TMTC2: variants seen among roughly 807,000 people sequenced by gnomAD.
TMTC2 encodes the protein transmembrane O-mannosyltransferase targeting cadherins 2, also known as protein O-mannosyl-transferase TMTC2.
Under a neutral mutation model 82.4 loss-of-function variants are expected in TMTC2, and 43 were observed. That is an observed-to-expected ratio of 0.52 (90% confidence interval 0.41 to 0.67). The LOEUF is 0.67. TMTC2 is among the 30% of genes least tolerant of loss of function. The probability of loss-of-function intolerance (pLI) is 0.00; values close to 1 mark genes in which losing one functional copy is unlikely to be tolerated. For synonymous variants in TMTC2, 408 were observed against 381.9 expected (o/e 1.07, Z -0.80); for missense variants, 919 against 1,012.4 (o/e 0.91, Z 1.25).
intron 1 of TMTC2, among the ~76,000 whole-genome samples, chr12:82,814,377 T>C (rs1868569284): frequency 6.6e-6 from 1 of 152,136 alleles, no homozygotes; most frequent in South Asian, 2.1e-4. Flanking sequence ...GGGAGAATAC[T>C]ATTCGTGTAG....
intron 9 of TMTC2, among the ~76,000 whole-genome samples, chr12:83,049,282 C>A (rs951767917): frequency 6.6e-6 from 1 of 152,084 alleles, no homozygotes; most frequent in Non-Finnish European, 1.5e-5. Flanking sequence ...AGTATAGTAC[C>A]CAAGGGGCAG....
chr12:83,120,002 AC>A (rs1884896572), intron 11 of TMTC2, among the ~76,000 whole-genome samples: 4 of 151,806 alleles, frequency 2.6e-5, no homozygotes, highest in Non-Finnish European at 4.4e-5. Flanking sequence ...GTCTTTTTCT[AC>A]CCTTTTACCT....
chr12:82,688,671 G>T (rs1872445305), intron 1 of TMTC2, among the ~76,000 whole-genome samples: 1 of 152,194 alleles, frequency 6.6e-6, no homozygotes, highest in Non-Finnish European at 1.5e-5. Context: ...CCGTCCTGGG[G>T]TGTTTCATGC....
At chr12:83,127,968 T>G (rs1885146130) in intron 11 of TMTC2, among the ~76,000 whole-genome samples, 1 of 152,132 alleles carries the variant, frequency 6.6e-6, no homozygotes, top group Non-Finnish European at 1.5e-5. Context: ...GTCAGTCCCT[T>G]TGATATAAAG....
chr12:82,735,556 A>T (rs113138030), intron 1 of TMTC2, among the ~76,000 whole-genome samples: 1 of 151,942 alleles, frequency 6.6e-6, no homozygotes, highest in South Asian at 2.1e-4. Flanking sequence ...TGTGTTAGCC[A>T]GGATGGTCTC....
At chr12:82,813,774 T>C (rs1318629895) in intron 1 of TMTC2, among the ~76,000 whole-genome samples, 3 of 152,128 alleles carry the variant, frequency 2.0e-5, no homozygotes, top group Non-Finnish European at 4.4e-5. Flanking sequence ...TATGTACTTA[T>C]TGATTTAATG....
chr12:83,044,981 T>C (rs1391601098), intron 9 of TMTC2, among the ~76,000 whole-genome samples: 1 of 152,236 alleles, frequency 6.6e-6, no homozygotes, highest in Non-Finnish European at 1.5e-5. Flanking sequence ...CAGACAGCTT[T>C]TTAAATCCAG....
At chr12:83,030,700 G>C in intron 8 of TMTC2, 98 bp from the exon 9 acceptor site, 1 of 919,384 alleles carries the variant, frequency 1.1e-6, no homozygotes, top group Non-Finnish European at 1.7e-6. Flanking sequence ...TTCCTATGAT[G>C]ATTACCAAGT....
intron 1 of TMTC2, among the ~76,000 whole-genome samples, chr12:82,746,407 A>G (rs1389429163): frequency 2.0e-5 from 3 of 152,148 alleles, no homozygotes; most frequent in Non-Finnish European, 2.9e-5. Flanking sequence ...GAAGTATTTC[A>G]TTTAATTGAA....
At chr12:82,746,094 T>C (rs1368116906) in intron 1 of TMTC2, among the ~76,000 whole-genome samples, 1 of 152,252 alleles carries the variant, frequency 6.6e-6, no homozygotes, top group Non-Finnish European at 1.5e-5. Flanking sequence ...TAAGAATTTT[T>C]ATATAGAGGC....
chr12:82,910,099 C>T (rs961269288), intron 3 of TMTC2, among the ~76,000 whole-genome samples: 10 of 152,140 alleles, frequency 6.6e-5, no homozygotes, highest in African/African-American at 9.7e-5. Context: ...AGCCTTATCA[C>T]GCACTGGTGC....
intron 2 of TMTC2, among the ~76,000 whole-genome samples, chr12:82,859,108 G>A (rs142129235): frequency 3.4e-5 from 5 of 145,470 alleles, no homozygotes; most frequent in East Asian, 2.0e-4. Context: ...TCACACTGTC[G>A]CCAGGCTGGA....
rs185287667 is a variant in TMTC2, at chr12:83,131,284, G to A, written c.2332-926G>A. On this transcript the variant is annotated intron_variant, in intron 11 of 11. Coordinates refer to ENST00000321196, the MANE Select transcript of TMTC2 (RefSeq NM_152588.3). ...AGCAGAACAGCCTTATTTATAAAGA[G>A]CAAGCAAAATATATTTTCCTTTGGG... Among the ~76,000 whole-genome samples, 637 of 152,302 alleles carry A rather than the reference G, an allele frequency of 4.2e-3. 5 individuals are homozygous for A. The highest frequency in any genetic ancestry group is 0.015 in the African/African-American group (614 of 41,574).
chr12:83,087,997 A>C (rs2137514536), intron 11 of TMTC2, among the ~76,000 whole-genome samples: 1 of 152,324 alleles, frequency 6.6e-6, no homozygotes, highest in Non-Finnish European at 1.5e-5. Flanking sequence ...TTCCAATAGA[A>C]GGCTATTTCA....
intron 1 of TMTC2, among the ~76,000 whole-genome samples, chr12:82,733,891 T>A (rs1009222689): frequency 6.6e-6 from 1 of 152,220 alleles, no homozygotes; most frequent in African/African-American, 2.4e-5. Flanking sequence ...CTTTCAACTG[T>A]GTGCCAGGAT....
At chr12:82,855,962 T>C (rs1277818912) in intron 1 of TMTC2, among the ~76,000 whole-genome samples, 1 of 152,208 alleles carries the variant, frequency 6.6e-6, no homozygotes, top group Non-Finnish European at 1.5e-5. Context: ...AAACCCAGAA[T>C]AGTGGAAAGG....
intron 11 of TMTC2, among the ~76,000 whole-genome samples, chr12:83,122,319 C>T (rs775189744): frequency 1.8e-4 from 27 of 151,220 alleles, no homozygotes; most frequent in Middle Eastern, 3.2e-3. Flanking sequence ...TTCATGTCCT[C>T]CCCCAAGTTC....
intron 11 of TMTC2, among the ~76,000 whole-genome samples, chr12:83,080,500 A>C (rs577290827): frequency 5.9e-5 from 9 of 152,288 alleles, no homozygotes; most frequent in African/African-American, 2.2e-4. Flanking sequence ...ATGAAGTGTC[A>C]GCCTAACAGC....
At chr12:82,844,364 C>T (rs551202093) in intron 1 of TMTC2, among the ~76,000 whole-genome samples, 1 of 152,320 alleles carries the variant, frequency 6.6e-6, no homozygotes, top group Non-Finnish European at 1.5e-5. Flanking sequence ...GCCATGCCTG[C>T]ATCCTTAGAG....
Sources: allele counts gnomAD v4.1 joint callset (sites outside exome capture counted in the v4.1 genomes callset), GRCh38; gene constraint gnomAD v4.1.1; transcripts MANE v1.5; gene names NCBI Gene and HGNC (gene_info 2026-07-23, HGNC 2026-07-21).